ATG9B: variants seen among roughly 807,000 people sequenced by gnomAD.
ATG9B encodes the protein autophagy related 9B.
ATG9B carries 92 observed loss-of-function variants against 92.9 expected under a neutral mutation model. The ratio of observed to expected loss-of-function variants is 0.99; its 90% CI spans 0.84 to 1.18. The LOEUF (loss-of-function observed/expected upper bound fraction) is 1.18, where lower values mean the gene tolerates loss of function less well. ATG9B is among the 50% of genes most tolerant of loss of function. The pLI, the probability that ATG9B is intolerant of heterozygous loss-of-function variation, is 0.00. For missense variants in ATG9B, 1,344 were observed against 1,235.0 expected (o/e 1.09, Z -1.32); for synonymous variants, 599 against 551.4 (o/e 1.09, Z -1.21).
In ATG9B at chr7:151,018,603, G is replaced by C. The variant is rs754018240; in HGVS notation, c.1718+17C>G. ...GAAACCAACACACACCACCACCCCG[G>C]GCATCTGCCGTCGCACCTGGCGACG... On this transcript the variant is annotated intron_variant, in intron 6 of 13. Coordinates refer to ENST00000639579, the MANE Select transcript of ATG9B (RefSeq NM_001317056.2). The surrounding 1 kb of genome is among the most constrained non-coding windows in gnomAD (Gnocchi z 4.7). The C allele has an allele frequency of 1.3e-6, 2 of 1,593,302 alleles. No homozygotes were observed. Among genetic ancestry groups the C allele is most frequent in the South Asian group, 1.1e-5 (1 of 90,170 alleles).
In ATG9B at chr7:151,017,123, T is replaced by C; in HGVS notation, c.2202A>G (p.Arg734=). ...SSKFLGHLWG[R]VQQDAAAWGA... ...CCCAGGCAGCTGCATCTTGTTGTACTCGGCCCCAGAGGTGCCCAAGAAACT... is the reference window on the plus strand; with the variant it reads ...CCCAGGCAGCTGCATCTTGTTGTACCCGGCCCCAGAGGTGCCCAAGAAACT... The change falls in exon 9 of 14, where the codon CGA becomes CGG. Residue 734 remains arginine, a synonymous_variant. Coordinates refer to ENST00000639579, the MANE Select transcript of ATG9B (RefSeq NM_001317056.2). The C allele has an allele frequency of 6.2e-7, 1 of 1,612,556 alleles. No homozygotes were observed. The highest frequency in any genetic ancestry group is 8.5e-7 in the Non-Finnish European group (1 of 1,179,692).
intron 5 of ATG9B, among the ~76,000 whole-genome samples, chr7:151,020,650 G>A (rs1795713503): frequency 6.6e-6 from 1 of 152,256 alleles, no homozygotes; most frequent in Non-Finnish European, 1.5e-5. Flanking sequence ...TCAAGATGGT[G>A]AGGAAACAAA....
intron 5 of ATG9B, 129 bp from the exon 6 acceptor site, chr7:151,019,503 C>A: frequency 1.6e-6 from 2 of 1,238,986 alleles, no homozygotes; most frequent in Non-Finnish European, 2.1e-6. Flanking sequence ...TCGCCATGAC[C>A]AAGCTACATC....
intron 4 of ATG9B, 142 bp from the exon 5 acceptor site, chr7:151,021,471 G>C (rs778510195): frequency 1.0e-5 from 12 of 1,181,562 alleles, no homozygotes; most frequent in East Asian, 5.4e-5. Context: ...CCCGGGGCAG[G>C]GGGTGGGTGC....
rs201435911 is a variant in ATG9B at position 151,017,082 on chromosome 7, C to T, written c.2243G>A (p.Arg748His). The change falls in exon 9 of 14, where the codon CGC becomes CAC. Residue 748 changes from arginine (R) to histidine (H), a missense_variant. Physicochemically the swap from Arg to His is conservative, Grantham distance 29. Transcript: ENST00000639579. ...GAGCACCCCCGGGGTGGAGGGGCCG[C>T]GAGCCGAGGTGGCACCCCAGGCAGC... ...DAAAWGATSA[R>H]GPSTPGVLSN... 51 of 1,608,038 alleles carry T rather than the reference C, an allele frequency of 3.2e-5. No individual in the cohort carries two copies. In the Admixed American group the frequency reaches 3.2e-4, roughly 10 times the overall value.
chr7:151,020,852 T>C, intron 5 of ATG9B: 2 of 242,436 alleles, frequency 8.2e-6, no homozygotes, highest in South Asian at 5.0e-5. Context: ...GTCCTGCCCT[T>C]CCGAAGCCCA....
Position 151,019,341 on chromosome 7 carries a change from G to T in ATG9B, c.997C>A (p.Gln333Lys). 6.5e-7 allele frequency: 1 copy of T among 1,545,658 alleles called. No individual in the cohort carries two copies. The highest frequency in any genetic ancestry group is 8.7e-7 in the Non-Finnish European group (1 of 1,153,286). The change falls in exon 6 of 14, where the codon CAG becomes AAG. Residue 333 changes from glutamine to lysine, a missense_variant. Gln to Lys is a moderately conservative substitution (Grantham distance 53). Transcript: ENST00000639579. ...CGCTGCAGTGCCAAGAGGCGGGACT[G>T]CACCTCTGCCCAGGGAACCGAGCTC... ...ELSSVPWAEV[Q>K]SRLLALQRSG...
In ATG9B at chr7:151,015,704, G is replaced by T. The variant is rs1462042996; in HGVS notation, c.*24C>A. 8 of 836,072 alleles carry T rather than the reference G, an allele frequency of 9.6e-6. No homozygotes were observed. The highest frequency in any genetic ancestry group is 1.4e-5 in the Non-Finnish European group (8 of 587,898). 51.8% of individuals were successfully genotyped at this position (836,072 alleles called of 1,614,324 possible). ...CCTCCAATCTCCTGTGGCTGCCGAA[G>T]CCAGGGTACCTGTGGGAGGAGACGG... On this transcript the variant is annotated 3_prime_UTR_variant, in exon 14 of 14. Coordinates refer to ENST00000639579, the MANE Select transcript of ATG9B (RefSeq NM_001317056.2).
intron 5 of ATG9B, 167 bp downstream of exon 5, chr7:151,021,021 T>G (rs1795724982): frequency 3.6e-5 from 27 of 758,964 alleles, no homozygotes; most frequent in South Asian, 3.4e-4. Flanking sequence ...TAGGTGGTGG[T>G]AGCCCCCTCC....
At chr7:151,016,980 TTTGGAGAGGAG>T in intron 9 of ATG9B, 45 bp downstream of exon 9, 4 of 1,525,564 alleles carry the variant, frequency 2.6e-6, no homozygotes, top group Non-Finnish European at 3.5e-6. Flanking sequence ...AGGGGAAGGG[TTTGGAGAGGAG>T]TTGTGGGGGT....
downstream of ATG9B, chr7:151,012,562 A>T: frequency 1.4e-6 from 2 of 1,456,546 alleles, no homozygotes; most frequent in Non-Finnish European, 1.9e-6. Flanking sequence ...TAGGAAAGAG[A>T]GGGCAGGAAA....
intron 9 of ATG9B, 94 bp downstream of exon 9, chr7:151,016,942 G>A (rs2117155195): frequency 2.0e-6 from 3 of 1,498,974 alleles, no homozygotes; most frequent in Non-Finnish European, 2.7e-6. Flanking sequence ...GGGCTGGTGA[G>A]GCAGGTTACT....
At chr7:151,012,269 T>C, downstream of ATG9B, 1 of 1,082,192 alleles carries the variant, frequency 9.2e-7, no homozygotes, top group Non-Finnish European at 1.3e-6. Context: ...ACTTGGGTCC[T>C]CCTTGCTCCA....
chr7:151,018,234 C>A lies in ATG9B; in HGVS notation c.1872+60G>T. On this transcript the variant is annotated intron_variant, in intron 7 of 13. Coordinates refer to ENST00000639579, the MANE Select transcript of ATG9B (RefSeq NM_001317056.2). The surrounding 1 kb of genome is among the most constrained non-coding windows in gnomAD (Gnocchi z 4.7). The stretch of plus-strand genomic sequence containing the variant: ...CAGACAGACCCTCCGCGCAGACAGA[C>A]CCTCCGCGCAGACAGACCCCACAAC... The A allele has an allele frequency of 1.3e-6, 2 of 1,508,434 alleles. No individual in the cohort carries two copies. Among genetic ancestry groups the A allele is most frequent in the Non-Finnish European group, 1.8e-6 (2 of 1,137,388 alleles). The allele number at this position is 1,508,434 out of a possible 1,614,324, so 93.4% of individuals were successfully genotyped here. A position where few individuals can be genotyped will look rare whatever the true frequency, so the allele number is the denominator to read the frequency against.
rs1795585326 is a variant in ATG9B, at chr7:151,018,198, A to C, written c.1872+96T>G. On this transcript the variant is annotated intron_variant, in intron 7 of 13. Coordinates refer to ENST00000639579, the MANE Select transcript of ATG9B (RefSeq NM_001317056.2). This position sits in a 1 kb window ranked among gnomAD's most constrained non-coding sequence, Gnocchi z 4.7. ...ACTCCTGGTATAGTCCGTTTGTCTC[A>C]TGCCCTCTCCCAGACAGACCCTCCG... 1 of 1,481,178 alleles carries C rather than the reference A, an allele frequency of 6.8e-7. No individual in the cohort carries two copies. The allele number at this position is 1,481,178 out of a possible 1,614,324, so 91.8% of individuals were successfully genotyped here.
At chr7:151,016,922 C>T in intron 9 of ATG9B, 101 bp from the exon 10 acceptor site, 1 of 1,514,536 alleles carries the variant, frequency 6.6e-7, no homozygotes, top group South Asian at 1.3e-5. Context: ...GGAGAGCAGG[C>T]TGGGGGCGGG....
Position 151,016,715 on chromosome 7 carries a change from G to A in ATG9B, c.2396C>T (p.Ser799Phe), listed in dbSNP as rs748788699. Residue 799 changes from serine to phenylalanine, a missense_variant, in exon 10 of 14, where the codon TCC (serine) becomes TTC (phenylalanine). By Grantham distance (155) the Ser-to-Phe change is radical. Transcript: ENST00000639579. ...PAAATASLLA[S>F]ISRIAQDPSS... is the part of the protein sequence containing the mutation. The stretch of plus-strand genomic sequence containing the variant: ...GGGGTCCTGGGCAATTCGGGAAATG[G>A]AGGCAAGGAGGCTGGCTGTGGCCGC... The A allele has an allele frequency of 1.6e-5, 26 of 1,607,800 alleles. No individual in the cohort carries two copies. Among genetic ancestry groups the A allele is most frequent in the Non-Finnish European group, 2.1e-5 (25 of 1,176,766 alleles).
At chr7:151,019,694 T>G in intron 5 of ATG9B, 1 of 289,332 alleles carries the variant, frequency 3.5e-6, no homozygotes. Context: ...CTCAGCTCCT[T>G]AAGGGCCTGA....
chr7:151,018,921 G>C lies in ATG9B; in HGVS notation c.1417C>G (p.Pro473Ala), dbSNP rs745760751. The C allele has an allele frequency of 2.0e-6, 3 of 1,519,154 alleles. No homozygotes were observed. The South Asian group carries it at 3.7e-5, about 19-fold the overall frequency. 94.1% of individuals were successfully genotyped at this position (1,519,154 alleles called of 1,614,324 possible). ...YSHVELLRREPGALGARGWSR... is the reference protein window; with the variant it reads ...YSHVELLRREAGALGARGWSR... ...CAGCCGCGCGCCCCCAGCGCGCCAGGCTCGCGCCGCAGCAGCTCCACGTGG... is the reference window on the plus strand; with the variant it reads ...CAGCCGCGCGCCCCCAGCGCGCCAGCCTCGCGCCGCAGCAGCTCCACGTGG... The change falls in exon 6 of 14, where the codon CCT (proline) becomes GCT (alanine). Residue 473 changes from proline (P) to alanine (A), a missense_variant. Physicochemically the swap from Pro to Ala is conservative, Grantham distance 27 (BLOSUM62 -1). Transcript: ENST00000639579. This position sits in a 1 kb window ranked among gnomAD's most constrained non-coding sequence, Gnocchi z 4.7.
Sources: gnomAD v4.1 joint callset for allele counts (sites outside exome capture counted in the v4.1 genomes callset) on GRCh38, gnomAD v4.1.1 for gene constraint, Gnocchi (gnomAD v3.1) non-coding constraint, MANE v1.5 for transcripts, NCBI Gene and HGNC (gene_info 2026-07-23, HGNC 2026-07-21) for gene names.